ALPP: variants seen among roughly 807,000 people sequenced by gnomAD.
ALPP encodes the protein alkaline phosphatase, placental.
In ALPP, 39 loss-of-function variants were observed where a neutral mutation model predicts 50.7. The observed-to-expected ratio is 0.77, with a 90% CI of 0.60 to 1.00. ALPP has a LOEUF of 1.00. ALPP is among the 50% of genes least tolerant of loss of function. The pLI is 0.00. For synonymous variants in ALPP, 226 were observed against 320.3 expected (o/e 0.71, Z 3.14); for missense variants, 550 against 746.8 (o/e 0.74, Z 3.07).
In ALPP at chr2:232,380,248, A is replaced by G; in HGVS notation, c.720A>G (p.Pro240=). The change falls in exon 6 of 11, where the codon CCA becomes CCG. Residue 240 remains proline (P), a synonymous_variant. Transcript: ENST00000392027. ...TGGGAACCCCAGACCCTGAGTACCCAGATGACTACAGCCAAGGTGGGACCA... is the reference window on the plus strand; with the variant it reads ...TGGGAACCCCAGACCCTGAGTACCCGGATGACTACAGCCAAGGTGGGACCA... ...FRMGTPDPEY[P]DDYSQGGTRL... The G allele has an allele frequency of 1.2e-6, 2 of 1,614,144 alleles. No homozygotes were observed. Among genetic ancestry groups the G allele is most frequent in the Non-Finnish European group, 1.7e-6 (2 of 1,180,006 alleles).
intron 5 of ALPP, 54 bp downstream of exon 5, chr2:232,379,990 C>A: frequency 1.3e-6 from 2 of 1,572,448 alleles, no homozygotes; most frequent in Non-Finnish European, 8.6e-7. Flanking sequence ...AGGGAGGGGG[C>A]ACTAGCTCAG....
Position 232,378,829 on chromosome 2 carries a change from G to C in ALPP, c.27G>C (p.Leu9=), listed in dbSNP as rs1696645977. 1 of 1,613,890 alleles carries C rather than the reference G, an allele frequency of 6.2e-7. No individual in the cohort carries two copies. Among genetic ancestry groups the C allele is most frequent in the African/African-American group, 1.3e-5 (1 of 74,908 alleles). MLGPCMLL[L]LLLLGLRLQL... ...TGCTGGGGCCCTGCATGCTGCTGCT[G>C]CTGCTGCTGCTGGGCCTGAGGCTAC... Residue 9 remains leucine (L), a synonymous_variant, in exon 1 of 11, where the codon CTG becomes CTC. Transcript: ENST00000392027.
chr2:232,380,164 C>G, intron 5 of ALPP, 22 bp from the exon 6 acceptor site: 1 of 1,613,966 alleles, frequency 6.2e-7, no homozygotes, highest in Non-Finnish European at 8.5e-7. Flanking sequence ...CCAAATCCAC[C>G]TGCCCCATCC....
intron 3 of ALPP, 52 bp from the exon 4 acceptor site, chr2:232,379,461 C>T: frequency 6.2e-7 from 1 of 1,609,090 alleles, no homozygotes; most frequent in South Asian, 1.1e-5. Flanking sequence ...AGATCAGGGT[C>T]TGGGTCTCCG....
Position 232,380,474 on chromosome 2 carries a change from T to A in ALPP, c.847T>A (p.Ser283Thr). Residue 283 changes from serine (S) to threonine (T), a missense_variant, in exon 7 of 11, where the codon TCT (serine) becomes ACT (threonine). By Grantham distance (58) the Ser-to-Thr change is moderately conservative (BLOSUM62 1). This residue lies in a region of ALPP where 376 missense variants were observed against 388.5 expected (regional missense o/e 0.97). Coordinates refer to ENST00000392027, the MANE Select transcript of ALPP (RefSeq NM_001632.5). ...GCTCATGCAGGCTTCCCTGGACCCG[T>A]CTGTGACCCATCTCATGGGTAATGA... ...TELMQASLDP[S>T]VTHLMGLFEP... 2.5e-6 allele frequency: 4 copies of A among 1,613,772 alleles called. No homozygotes were observed. The highest frequency in any genetic ancestry group is 2.5e-6 in the Non-Finnish European group (3 of 1,179,930).
In ALPP at chr2:232,380,332, T is replaced by C; in HGVS notation, c.792+12T>C. ...TGGCGAAGCGCCAGGTGATGGGGGC[T>C]GGCGGGTGCAGGGGGCACAGCAGGG... On this transcript the variant is annotated intron_variant, in intron 6 of 10. Transcript: ENST00000392027. The C allele has an allele frequency of 6.4e-7, 1 of 1,557,364 alleles. No individual in the cohort carries two copies. Among genetic ancestry groups the C allele is most frequent in the Non-Finnish European group, 8.7e-7 (1 of 1,155,208 alleles).
chr2:232,381,397 G>A, intron 10 of ALPP, 30 bp downstream of exon 10: 1 of 1,613,946 alleles, frequency 6.2e-7, no homozygotes, highest in South Asian at 1.1e-5. Flanking sequence ...CCCCTGAGGG[G>A]GACCAGGGTG....
rs746223872 is a variant in ALPP at position 232,378,835 on chromosome 2, G to C, written c.33G>C (p.Leu11=). Residue 11 remains leucine (L), a synonymous_variant, in exon 1 of 11, where the codon CTG becomes CTC. Transcript: ENST00000392027. MLGPCMLLLL[L]LLGLRLQLSL... is the part of the protein sequence containing the mutation. ...GGCCCTGCATGCTGCTGCTGCTGCT[G>C]CTGCTGGGCCTGAGGCTACAGCTCT... 2.3e-5 allele frequency: 37 copies of C among 1,614,052 alleles called. No homozygotes were observed. Among genetic ancestry groups the C allele is most frequent in the Non-Finnish European group, 2.9e-5 (34 of 1,180,004 alleles).
rs1466821918 is a variant in ALPP, at chr2:232,381,257, C to G, written c.1199C>G (p.Ala400Gly). ...PLRGSSIFGL[A>G]PGKARDRKAY... is the part of the protein sequence containing the mutation. ...GGGACCCCTCTCTCTGCAGGGCTGG[C>G]CCCTGGCAAGGCCCGGGACAGGAAG... The change falls in exon 10 of 11, where the codon GCC (alanine) becomes GGC (glycine). Residue 400 changes from alanine to glycine, a missense_variant. Around this residue, in one of 5 missense-constraint regions of ALPP, gnomAD observed 9 missense variants for 28.9 expected, o/e 0.31. Transcript: ENST00000392027. 1.2e-6 allele frequency: 2 copies of G among 1,613,360 alleles called. No homozygotes were observed. The highest frequency in any genetic ancestry group is 1.7e-6 in the Non-Finnish European group (2 of 1,179,910).
Position 232,379,258 on chromosome 2 carries a change from A to G in ALPP, c.252A>G (p.Lys84=). The G allele has an allele frequency of 6.2e-7, 1 of 1,613,902 alleles. No individual in the cohort carries two copies. Among genetic ancestry groups the G allele is most frequent in the South Asian group, 1.1e-5 (1 of 91,046 alleles). The change falls in exon 3 of 11, where the codon AAA becomes AAG. Residue 84 remains lysine (K), a synonymous_variant. Coordinates refer to ENST00000392027, the MANE Select transcript of ALPP (RefSeq NM_001632.5). ...TCCTAAAAGGGCAGAAGAAGGACAA[A>G]CTGGGGCCTGAGATACCCCTGGCCA... The part of the protein sequence containing the change: ...ARILKGQKKD[K]LGPEIPLAMD...
chr2:232,381,413 G>T, intron 10 of ALPP, 46 bp downstream of exon 10: 1 of 1,613,650 alleles, frequency 6.2e-7, no homozygotes, highest in Non-Finnish European at 8.5e-7. Context: ...GGGTGCCAAG[G>T]ATGGGGGGCT....
In ALPP at chr2:232,381,990, C is replaced by T. The variant is rs1049013; in HGVS notation, c.*195C>T. ...ACCAAACCTGCCCCTTGGCTGCTCT[C>T]GGACTCCCTACCCCAACCCCAGGGA... On this transcript the variant is annotated 3_prime_UTR_variant, in exon 11 of 11. Coordinates refer to ENST00000392027, the MANE Select transcript of ALPP (RefSeq NM_001632.5). 6 of 929,014 alleles carry T rather than the reference C, an allele frequency of 6.5e-6. 1 individual carries two copies. The highest frequency in any genetic ancestry group is 9.4e-6 in the Non-Finnish European group (6 of 638,954). 57.5% of individuals were successfully genotyped at this position (929,014 alleles called of 1,614,324 possible).
At position 232,378,762 on chromosome 2, in the gene ALPP, C is replaced by G; in HGVS notation, c.-41C>G. On this transcript the variant is annotated 5_prime_UTR_variant, in exon 1 of 11. Transcript: ENST00000392027. ...CTGGAGTGCAGCTCATACTCCATGC[C>G]CAGAATTCCTGCCTCGCCACTGTCC... 6.2e-7 allele frequency: 1 copy of G among 1,604,864 alleles called. No individual in the cohort carries two copies. Among genetic ancestry groups the G allele is most frequent in the Non-Finnish European group, 8.5e-7 (1 of 1,175,050 alleles).
At position 232,378,788 on chromosome 2, in the gene ALPP, T is replaced by C; in HGVS notation, c.-15T>C. ...CAGAATTCCTGCCTCGCCACTGTCC[T>C]GCTGCCCTCCAGACATGCTGGGGCC... is the stretch of plus-strand genomic sequence containing the variant. On this transcript the variant is annotated 5_prime_UTR_variant, in exon 1 of 11. Coordinates refer to ENST00000392027, the MANE Select transcript of ALPP (RefSeq NM_001632.5). 1 of 1,613,334 alleles carries C rather than the reference T, an allele frequency of 6.2e-7. No individual in the cohort carries two copies. The highest frequency in any genetic ancestry group is 8.5e-7 in the Non-Finnish European group (1 of 1,179,596).
chr2:232,380,386 G>A (rs762214737), intron 6 of ALPP, 34 bp from the exon 7 acceptor site: 1 of 1,613,460 alleles, frequency 6.2e-7, no homozygotes, highest in Non-Finnish European at 8.5e-7. Context: ...GCTCAGGGCT[G>A]TGGGCTGAGG....
Position 232,382,216 on chromosome 2 carries a change from T to C in ALPP, c.*421T>C. ...GAGGACTCGGGATCTTCAGGACGCC[T>C]GGAGAAGGGTGGTTTCCTGCCACCC... On this transcript the variant is annotated 3_prime_UTR_variant, in exon 11 of 11. Coordinates refer to ENST00000392027, the MANE Select transcript of ALPP (RefSeq NM_001632.5). The C allele has an allele frequency of 4.6e-6, 1 of 218,722 alleles. No homozygotes were observed. 13.5% of individuals were successfully genotyped at this position (218,722 alleles called of 1,614,324 possible).
chr2:232,379,001 G>A lies in ALPP; in HGVS notation c.107G>A (p.Arg36His), dbSNP rs976994000. Reference protein sequence around the residue: ...VEEENPDFWNREAAEALGAAK... With the variant: ...VEEENPDFWNHEAAEALGAAK... ...GAGGAGAACCCGGACTTCTGGAACC[G>A]CGAGGCAGCCGAGGCCCTGGGTGCC... Residue 36 changes from arginine to histidine, a missense_variant, in exon 2 of 11, where the codon CGC becomes CAC. Physicochemically the swap from Arg to His is conservative, Grantham distance 29. Coordinates refer to ENST00000392027, the MANE Select transcript of ALPP (RefSeq NM_001632.5). 45 of 1,613,964 alleles carry A rather than the reference G, an allele frequency of 2.8e-5. No homozygotes were observed. Among genetic ancestry groups the A allele is most frequent in the Admixed American group, 1.8e-4 (11 of 59,998 alleles).
At chr2:232,379,154 C>T (rs1202245619) in intron 2 of ALPP, 46 bp from the exon 3 acceptor site, 3 of 1,614,082 alleles carry the variant, frequency 1.9e-6, no homozygotes, top group Non-Finnish European at 2.5e-6. Context: ...TCAGTGGTTC[C>T]AGGAGAGCCC....
chr2:232,380,034 AG>A (rs1696676908), intron 5 of ALPP, 98 bp downstream of exon 5: 1 of 1,560,650 alleles, frequency 6.4e-7, no homozygotes, highest in South Asian at 1.2e-5. Context: ...CTGGGCCAGC[AG>A]GGTCTGGAGG....
Sources: allele counts gnomAD v4.1 joint callset, GRCh38; gene constraint gnomAD v4.1.1; regional missense constraint gnomAD v4.1.1; transcripts MANE v1.5; gene names NCBI Gene and HGNC (gene_info 2026-07-23, HGNC 2026-07-21).